Variants in FABP6 observed in about 807,000 individuals in gnomAD.
FABP6 encodes fatty acid binding protein 6, also known as gastrotropin.
In FABP6, 13 loss-of-function variants were observed where a neutral mutation model predicts 14.9. The observed-to-expected ratio is 0.87, with a 90% CI of 0.57 to 1.39. The LOEUF is 1.39. Among genes scored for constraint, FABP6 ranks in the 40% most tolerant of loss-of-function variants. The probability of loss-of-function intolerance (pLI) is 0.00; values close to 1 mark genes in which losing one functional copy is unlikely to be tolerated. For missense variants in FABP6, 161 were observed against 167.2 expected (o/e 0.96, Z 0.20); for synonymous variants, 75 against 63.6 (o/e 1.18, Z -0.85).
At chr5:160,211,735 C>T (rs893842636) in intron 2 of FABP6, among the ~76,000 whole-genome samples, 1 of 152,090 alleles carries the variant, frequency 6.6e-6, no homozygotes, top group Admixed American at 6.6e-5. Flanking sequence ...CATACGTTTC[C>T]AAAAATTTTA....
At chr5:160,194,675 C>G (rs563960400) in intron 1 of FABP6, among the ~76,000 whole-genome samples, 3 of 152,336 alleles carry the variant, frequency 2.0e-5, no homozygotes, top group Admixed American at 6.5e-5. Flanking sequence ...CTCTCCCAGG[C>G]TTTTTGTTCA....
intron 2 of FABP6, among the ~76,000 whole-genome samples, chr5:160,211,280 T>G (rs1759884806): frequency 1.3e-5 from 2 of 152,078 alleles, no homozygotes; most frequent in Admixed American, 1.3e-4. Context: ...GACTGTCAGT[T>G]AAGAGCCTCC....
chr5:160,193,048 G>C (rs551608429), intron 1 of FABP6, among the ~76,000 whole-genome samples: 2 of 152,336 alleles, frequency 1.3e-5, no homozygotes, highest in Admixed American at 1.3e-4. Context: ...GAGATTGTGT[G>C]TCCGGAATTG....
intron 3 of FABP6, among the ~76,000 whole-genome samples, chr5:160,235,844 C>T (rs1179899577): frequency 1.3e-5 from 2 of 152,100 alleles, no homozygotes; most frequent in African/African-American, 2.4e-5. Context: ...GAAAGGAGCA[C>T]ACTGCCTCTC....
intron 1 of FABP6, among the ~76,000 whole-genome samples, chr5:160,193,523 T>G (rs1759445309): frequency 6.6e-6 from 1 of 152,084 alleles, no homozygotes; most frequent in South Asian, 2.1e-4. Flanking sequence ...TAGAGCCGAG[T>G]GGCCTGTTTT....
intron 2 of FABP6, among the ~76,000 whole-genome samples, chr5:160,199,784 C>T (rs1759596894): frequency 6.6e-6 from 1 of 152,166 alleles, no homozygotes. Context: ...GGGATCTCCG[C>T]TCACTAGGGA....
At chr5:160,226,277 T>C (rs141803680), upstream of FABP6, among the ~76,000 whole-genome samples, 301 of 151,180 alleles carry the variant, frequency 2.0e-3, 2 homozygotes, top group South Asian at 6.7e-3. Context: ...TAAGAGTAAA[T>C]ATAGGCCGAG....
At chr5:160,229,497 C>G (rs1366546701), upstream of FABP6, 3 of 1,611,108 alleles carry the variant, frequency 1.9e-6, no homozygotes, top group Non-Finnish European at 2.5e-6. Context: ...GGATAGCAGA[C>G]CCCTCAGCAC....
chr5:160,238,601 T>C lies in FABP6; in HGVS notation c.334-5T>C. ...GACTCCCTCTGTCCCGGCTGCTTCT[T>C]TCAGGTCTCCACCATCGGAGGCGTG... On this transcript the variant is annotated splice_polypyrimidine_tract_variant and splice_region_variant and intron_variant, in intron 3 of 3. Transcript: ENST00000402432. 1 of 1,613,810 alleles carries C rather than the reference T, an allele frequency of 6.2e-7. No individual in the cohort carries two copies.
At chr5:160,232,371 T>G in intron 2 of FABP6, 98 bp downstream of exon 2, 1 of 1,315,536 alleles carries the variant, frequency 7.6e-7, no homozygotes, top group South Asian at 1.6e-5. Context: ...GGCTTCTTTC[T>G]CCAGTTTGGC....
intron 3 of FABP6, among the ~76,000 whole-genome samples, chr5:160,218,649 C>T (rs1000990092): frequency 9.3e-5 from 14 of 151,172 alleles, no homozygotes; most frequent in African/African-American, 2.7e-4. Context: ...TTAGTAGAGA[C>T]GGGGTTTCGC....
intron 1 of FABP6, among the ~76,000 whole-genome samples, chr5:160,188,133 G>C (rs1232448548): frequency 2.0e-5 from 3 of 152,084 alleles, no homozygotes; most frequent in African/African-American, 7.2e-5. Context: ...CAATTCACCC[G>C]GGAGAAAAGC....
intron 3 of FABP6, among the ~76,000 whole-genome samples, chr5:160,220,857 G>A (rs1295082443): frequency 1.3e-5 from 2 of 152,022 alleles, no homozygotes; most frequent in Non-Finnish European, 2.9e-5. Context: ...GGAGGCTGAG[G>A]TGGGTGGATC....
chr5:160,228,297 A>T (rs1335918200), upstream of FABP6, among the ~76,000 whole-genome samples: 2 of 152,240 alleles, frequency 1.3e-5, no homozygotes, highest in Admixed American at 1.3e-4. Context: ...AGGCTGAGGC[A>T]GGAGAATTGC....
In FABP6 at chr5:160,235,014, C is replaced by T. The variant is rs1760477305; in HGVS notation, c.333+105C>T. ...TACGCAGCTGGCTTTACCAGCACTT[C>T]CCTTGTACCAGGCTCTATGCTGAGT... On this transcript the variant is annotated intron_variant, in intron 3 of 3. Coordinates refer to ENST00000402432, the MANE Select transcript of FABP6 (RefSeq NM_001445.3). 1.0e-5 allele frequency: 9 copies of T among 862,484 alleles called. No individual in the cohort carries two copies. In the Admixed American group the frequency reaches 1.2e-4, roughly 12 times the overall value. 53.4% of individuals were successfully genotyped at this position (862,484 alleles called of 1,614,324 possible).
chr5:160,225,432 C>T (rs1365241452), upstream of FABP6, among the ~76,000 whole-genome samples: 3 of 137,690 alleles, frequency 2.2e-5, no homozygotes, highest in Admixed American at 7.5e-5. Context: ...GGCAGAGTCT[C>T]GCTCTGTCCC....
chr5:160,201,792 C>G (rs569467019), intron 2 of FABP6, among the ~76,000 whole-genome samples: 1 of 152,190 alleles, frequency 6.6e-6, no homozygotes, highest in South Asian at 2.1e-4. Context: ...GCGACAGGGT[C>G]TTACTCTATC....
chr5:160,200,842 TAGC>T (rs879322955), intron 2 of FABP6, among the ~76,000 whole-genome samples: 50,224 of 151,650 alleles, frequency 0.33, 8,946 homozygotes, highest in Non-Finnish European at 0.4. Context: ...CCTTCAAACC[TAGC>T]CCTTGGGTGG....
upstream of FABP6, among the ~76,000 whole-genome samples, chr5:160,227,198 C>A (rs1479914833): frequency 6.6e-5 from 10 of 152,072 alleles, no homozygotes; most frequent in Admixed American, 6.6e-4. Context: ...GGTAACAGAG[C>A]AATATAGTCT....
Sources: gnomAD v4.1 joint callset for allele counts (sites outside exome capture counted in the v4.1 genomes callset) on GRCh38, gnomAD v4.1.1 for gene constraint, MANE v1.5 for transcripts, NCBI Gene and HGNC (gene_info 2026-07-23, HGNC 2026-07-21) for gene names.